The following ZFYVE9 variants were observed in gnomAD, a reference collection of about 807,000 sequenced individuals.
The protein encoded by ZFYVE9 is zinc finger FYVE-type containing 9.
In ZFYVE9, 43 loss-of-function variants were observed where a neutral mutation model predicts 126.7. That is an observed-to-expected ratio of 0.34 (90% CI 0.27 to 0.44). The LOEUF (loss-of-function observed/expected upper bound fraction) is 0.44, where lower values mean the gene tolerates loss of function less well. Among genes scored for constraint, ZFYVE9 ranks in the 20% least tolerant of loss-of-function variants. The pLI is 1.00. For missense variants in ZFYVE9, 1,476 were observed against 1,697.0 expected (o/e 0.87, Z 2.29); for synonymous variants, 521 against 597.4 (o/e 0.87, Z 1.87).
intron 10 of ZFYVE9, among the ~76,000 whole-genome samples, chr1:52,283,042 A>G (rs1399902908): frequency 6.6e-6 from 1 of 152,218 alleles, no homozygotes; most frequent in Non-Finnish European, 1.5e-5. Flanking sequence ...AACTGACCAC[A>G]TGATACCTGT....
At chr1:52,292,949 G>A (rs1159599467) in intron 10 of ZFYVE9, among the ~76,000 whole-genome samples, 1 of 152,048 alleles carries the variant, frequency 6.6e-6, no homozygotes, top group African/African-American at 2.4e-5. Context: ...GATAAAATTG[G>A]AAACCAAATT....
At chr1:52,174,975 CT>C (rs1204840304) in intron 1 of ZFYVE9, among the ~76,000 whole-genome samples, 1 of 152,116 alleles carries the variant, frequency 6.6e-6, no homozygotes, top group Non-Finnish European at 1.5e-5. Flanking sequence ...CAGTCTGTGT[CT>C]TTTAATTGGA....
intron 1 of ZFYVE9, among the ~76,000 whole-genome samples, chr1:52,161,478 A>C (rs1342836591): frequency 6.6e-6 from 1 of 152,054 alleles, no homozygotes; most frequent in African/African-American, 2.4e-5. Context: ...TTTAGTAGAG[A>C]CAGGGTTTTG....
chr1:52,268,140 A>G (rs533491772), intron 6 of ZFYVE9, among the ~76,000 whole-genome samples: 2 of 152,330 alleles, frequency 1.3e-5, no homozygotes, highest in East Asian at 3.9e-4. Context: ...GAGGCCCTTG[A>G]ACACTTTCCT....
At chr1:52,159,263 T>C (rs1357658208) in intron 1 of ZFYVE9, among the ~76,000 whole-genome samples, 2 of 152,282 alleles carry the variant, frequency 1.3e-5, no homozygotes, top group South Asian at 2.1e-4. Flanking sequence ...AGAGCTTCAT[T>C]GTCAGTTGGG....
At chr1:52,196,373 C>T (rs1400903858) in intron 1 of ZFYVE9, among the ~76,000 whole-genome samples, 5 of 152,106 alleles carry the variant, frequency 3.3e-5, no homozygotes, top group Non-Finnish European at 7.4e-5. Flanking sequence ...GCCGGGCTCA[C>T]GCCTGTAATC....
At chr1:52,315,688 C>T (rs566134265) in intron 13 of ZFYVE9, among the ~76,000 whole-genome samples, 2 of 151,590 alleles carry the variant, frequency 1.3e-5, no homozygotes, top group African/African-American at 4.8e-5. Flanking sequence ...TAAAAGAAGG[C>T]TGAAAAAGAT....
chr1:52,302,967 G>A lies in ZFYVE9; in HGVS notation c.3334-854G>A, dbSNP rs535124429. Among the ~76,000 whole-genome samples the A allele has an allele frequency of 2.0e-5, 3 of 152,020 alleles. No individual in the cohort carries two copies. The East Asian group carries it at 5.8e-4, about 30-fold the overall frequency. ...TCTACTAAAAATACAAAAATTAGCC[G>A]AGCATGGTGACGCACATATGTAATC... On this transcript the variant is annotated intron_variant, in intron 12 of 18. Transcript: ENST00000287727.
chr1:52,297,431 G>GT (rs1030903084), intron 12 of ZFYVE9, among the ~76,000 whole-genome samples: 2 of 151,630 alleles, frequency 1.3e-5, no homozygotes, highest in African/African-American at 4.8e-5. Context: ...TAGAGACAGG[G>GT]TTTTACCTTG....
intron 4 of ZFYVE9, among the ~76,000 whole-genome samples, chr1:52,256,146 G>A (rs985084558): frequency 2.0e-5 from 3 of 148,926 alleles, no homozygotes; most frequent in Non-Finnish European, 4.5e-5. Flanking sequence ...GCTCACTGCA[G>A]TCTCCACCTC....
chr1:52,238,990 A>C lies in ZFYVE9; in HGVS notation c.1573A>C (p.Asn525His). ...CYSNIYEQRG[N>H]EATEGSGLLL... The stretch of plus-strand genomic sequence containing the variant: ...CTCAAATATTTATGAACAGAGAGGA[A>C]ATGAGGCCACAGAAGGGAGTGGACT... Residue 525 changes from asparagine to histidine, a missense_variant, in exon 4 of 19, where the codon AAT (asparagine) becomes CAT (histidine). Coordinates refer to ENST00000287727, the MANE Select transcript of ZFYVE9 (RefSeq NM_004799.4). 1 of 1,614,156 alleles carries C rather than the reference A, an allele frequency of 6.2e-7. No homozygotes were observed. Among genetic ancestry groups the C allele is most frequent in the Non-Finnish European group, 8.5e-7 (1 of 1,180,010 alleles).
intron 4 of ZFYVE9, among the ~76,000 whole-genome samples, chr1:52,248,418 T>G (rs777179131): frequency 6.6e-6 from 1 of 152,210 alleles, no homozygotes; most frequent in Non-Finnish European, 1.5e-5. Context: ...TGGCAGCTGA[T>G]TGTATGGTGC....
intron 1 of ZFYVE9, among the ~76,000 whole-genome samples, chr1:52,201,105 C>T (rs2124568783): frequency 6.6e-6 from 1 of 152,222 alleles, no homozygotes. Context: ...TTAAGTCTTT[C>T]TGTTCGTGAA....
rs528275022 is a variant in ZFYVE9 at position 52,202,164 on chromosome 1, T to C, written c.-142-14205T>C. ...ACAGATTTTTAGGTTGGTCTTTTTT[T>C]CCTCTTTCTTCCTGCTTATATGGTT... On this transcript the variant is annotated intron_variant, in intron 1 of 18. Transcript: ENST00000287727. Among the ~76,000 whole-genome samples the C allele has an allele frequency of 1.8e-4, 28 of 152,330 alleles. No individual in the cohort carries two copies. In the East Asian group the frequency reaches 5.2e-3, roughly 28 times the overall value.
intron 4 of ZFYVE9, chr1:52,254,117 A>G: frequency 1.3e-6 from 1 of 754,634 alleles, no homozygotes; most frequent in Non-Finnish European, 2.2e-6. Flanking sequence ...GGTAGAAGAG[A>G]GCGCCATTGG....
chr1:52,151,004 T>G (rs1360390977), intron 1 of ZFYVE9, among the ~76,000 whole-genome samples: 3 of 151,696 alleles, frequency 2.0e-5, no homozygotes, highest in Non-Finnish European at 4.4e-5. Flanking sequence ...TTTTTTTTTT[T>G]TTAGTAGTAG....
intron 13 of ZFYVE9, among the ~76,000 whole-genome samples, chr1:52,313,118 A>C (rs945780997): frequency 2.0e-5 from 3 of 152,212 alleles, no homozygotes; most frequent in African/African-American, 7.2e-5. Context: ...AGACGGAACT[A>C]TCTCTGCTGA....
chr1:52,288,042 A>AT (rs1645880086), intron 10 of ZFYVE9, among the ~76,000 whole-genome samples: 1 of 152,202 alleles, frequency 6.6e-6, no homozygotes, highest in Non-Finnish European at 1.5e-5. Context: ...AATACCTAAC[A>AT]TTTTTTGAAC....
intron 13 of ZFYVE9, among the ~76,000 whole-genome samples, chr1:52,324,176 G>A (rs758301992): frequency 6.6e-6 from 1 of 151,886 alleles, no homozygotes; most frequent in Admixed American, 6.6e-5. Context: ...TTGAGCCCAA[G>A]AGTTGGAGAC....
Sources: allele counts gnomAD v4.1 joint callset (sites outside exome capture counted in the v4.1 genomes callset), GRCh38; gene constraint gnomAD v4.1.1; transcripts MANE v1.5; gene names NCBI Gene and HGNC (gene_info 2026-07-23, HGNC 2026-07-21).